Variants in TDRD5 observed in about 807,000 individuals in gnomAD.
TDRD5 encodes tudor domain-containing protein 5.
In TDRD5, 41 loss-of-function variants were observed where a neutral mutation model predicts 120.6. The ratio of observed to expected loss-of-function variants is 0.34; its 90% CI spans 0.26 to 0.44. TDRD5 has a LOEUF of 0.44. TDRD5 is among the 20% of genes least tolerant of loss of function. TDRD5 has a pLI of 1.00. For synonymous variants in TDRD5, 430 were observed against 433.7 expected (o/e 0.99, Z 0.11); for missense variants, 1,006 against 1,221.2 (o/e 0.82, Z 2.63).
At chr1:179,617,215 T>C (rs1324416908) in intron 4 of TDRD5, among the ~76,000 whole-genome samples, 1 of 152,096 alleles carries the variant, frequency 6.6e-6, no homozygotes, top group African/African-American at 2.4e-5. Context: ...TAGGGAGCCA[T>C]GTACTTGCCA....
At chr1:179,634,839 A>G (rs1012577495) in intron 8 of TDRD5, among the ~76,000 whole-genome samples, 1 of 152,156 alleles carries the variant, frequency 6.6e-6, no homozygotes, top group Non-Finnish European at 1.5e-5. Context: ...CTCAAGGCTC[A>G]TTTTAAAGTT....
intron 14 of TDRD5, among the ~76,000 whole-genome samples, chr1:179,658,370 C>G (rs1237058637): frequency 6.6e-6 from 1 of 152,016 alleles, no homozygotes; most frequent in Admixed American, 6.5e-5. Context: ...TTGATATTAC[C>G]TTATAAAACT....
chr1:179,614,606 G>A lies in TDRD5; in HGVS notation c.832-3993G>A, dbSNP rs186823264. Among the ~76,000 whole-genome samples, 454 of 152,204 alleles carry A rather than the reference G, an allele frequency of 3.0e-3. 4 individuals are homozygous for A. Among genetic ancestry groups the A allele is most frequent in the Admixed American group, 6.1e-3 (93 of 15,284 alleles). On this transcript the variant is annotated intron_variant, in intron 4 of 17. Coordinates refer to ENST00000444136, the MANE Select transcript of TDRD5 (RefSeq NM_001199085.3). ...AATTGTTTCAGTTGACACTCACATA[G>A]ATTGTGTGTGTGCTCCTTTCCTTGT...
chr1:179,631,107 T>C (rs1262290871), intron 7 of TDRD5, among the ~76,000 whole-genome samples, 187 bp downstream of exon 7: 4 of 152,020 alleles, frequency 2.6e-5, no homozygotes, highest in East Asian at 3.9e-4. Context: ...TTTTGCTTTC[T>C]TGGGCCGGGT....
chr1:179,612,651 C>G (rs1461169078), intron 4 of TDRD5, among the ~76,000 whole-genome samples: 1 of 152,102 alleles, frequency 6.6e-6, no homozygotes, highest in Non-Finnish European at 1.5e-5. Flanking sequence ...AGTACATCAT[C>G]CTGCCAGGTG....
At chr1:179,648,648 T>A (rs1364549849) in intron 11 of TDRD5, among the ~76,000 whole-genome samples, 7 of 149,372 alleles carry the variant, frequency 4.7e-5, no homozygotes, top group South Asian at 2.1e-4. Flanking sequence ...CAAAAAAAAA[T>A]TTTAAACTTA....
chr1:179,672,839 T>G (rs1358824140), intron 17 of TDRD5, among the ~76,000 whole-genome samples: 3 of 152,314 alleles, frequency 2.0e-5, no homozygotes, highest in African/African-American at 7.2e-5. Context: ...CTAGCACCAT[T>G]TGTTGAATAG....
At chr1:179,667,945 T>G in intron 16 of TDRD5, among the ~76,000 whole-genome samples, 1 of 152,222 alleles carries the variant, frequency 6.6e-6, no homozygotes, top group East Asian at 1.9e-4. Flanking sequence ...AAAACAAGCC[T>G]ACATCTGTTT....
intron 9 of TDRD5, among the ~76,000 whole-genome samples, chr1:179,637,001 A>C (rs375838992): frequency 6.6e-6 from 1 of 152,228 alleles, no homozygotes; most frequent in Admixed American, 6.5e-5. Flanking sequence ...AACTTATATT[A>C]TCTCTTTTCT....
At chr1:179,667,305 T>A (rs1679609305) in intron 16 of TDRD5, among the ~76,000 whole-genome samples, 1 of 152,266 alleles carries the variant, frequency 6.6e-6, no homozygotes, top group South Asian at 2.1e-4. Context: ...TTTAAATATG[T>A]GTCAACAGTG....
chr1:179,595,681 T>A lies in TDRD5; in HGVS notation c.694T>A (p.Phe232Ile), dbSNP rs1434596426. Reference sequence around the variant, plus strand: ...GAAACAAGGGTCATACTCCACAGGCTTTCCGGTAGCAAAGCCATGCTTTTC... The same window carrying A: ...GAAACAAGGGTCATACTCCACAGGCATTCCGGTAGCAAAGCCATGCTTTTC... ...RMKQGSYSTG[F>I]PVAKPCFSQP... Residue 232 changes from phenylalanine (F) to isoleucine (I), a missense_variant, in exon 4 of 18, where the codon TTT becomes ATT. Transcript: ENST00000444136. 12 of 1,613,534 alleles carry A rather than the reference T, an allele frequency of 7.4e-6. No individual in the cohort carries two copies. The highest frequency in any genetic ancestry group is 1.0e-5 in the Non-Finnish European group (12 of 1,179,796).
chr1:179,639,132 A>G (rs1028354463), intron 9 of TDRD5, among the ~76,000 whole-genome samples: 11 of 152,380 alleles, frequency 7.2e-5, no homozygotes, highest in African/African-American at 2.6e-4. Flanking sequence ...GAGACAGTAT[A>G]TAGCAAGAAC....
intron 17 of TDRD5, among the ~76,000 whole-genome samples, chr1:179,677,538 G>A (rs141269728): frequency 0.019 from 2,954 of 152,214 alleles, 75 homozygotes; most frequent in African/African-American, 0.066. Flanking sequence ...TTTGTCCCAC[G>A]GGATGCTCCC....
At chr1:179,684,354 A>G (rs1258848773) in intron 17 of TDRD5, among the ~76,000 whole-genome samples, 1 of 152,170 alleles carries the variant, frequency 6.6e-6, no homozygotes, top group South Asian at 2.1e-4. Context: ...AGCTTCATCC[A>G]TGTCCCTACA....
At position 179,632,380 on chromosome 1, in the gene TDRD5, T is replaced by C. The variant is rs148364523; in HGVS notation, c.1126+1460T>C. Among the ~76,000 whole-genome samples the C allele has an allele frequency of 7.2e-3, 1,091 of 151,794 alleles. 2 individuals are homozygous for C. Among genetic ancestry groups the C allele is most frequent in the Middle Eastern group, 0.014 (4 of 294 alleles). On this transcript the variant is annotated intron_variant, in intron 7 of 17. Transcript: ENST00000444136. ...TATTTTTATAAGCTTGAATGAGTGG[T>C]TATGATGGACAGGTTTTGTTTTTTT...
At chr1:179,659,251 A>G (rs1165057555) in intron 14 of TDRD5, among the ~76,000 whole-genome samples, 4 of 152,202 alleles carry the variant, frequency 2.6e-5, no homozygotes, top group African/African-American at 4.8e-5. Context: ...GTCAGATCCA[A>G]TTGATTAGTG....
intron 6 of TDRD5, among the ~76,000 whole-genome samples, chr1:179,627,032 C>G (rs1677166907): frequency 6.6e-6 from 1 of 152,074 alleles, no homozygotes; most frequent in African/African-American, 2.4e-5. Flanking sequence ...AGAAAAACAG[C>G]AAGTGACTTA....
intron 9 of TDRD5, among the ~76,000 whole-genome samples, chr1:179,639,621 A>G (rs898155110): frequency 1.3e-5 from 2 of 152,216 alleles, no homozygotes; most frequent in Non-Finnish European, 2.9e-5. Context: ...GAGATCAGAA[A>G]ATGAGTGTGT....
In TDRD5 at chr1:179,660,435, T is replaced by C. The variant is rs1265567748; in HGVS notation, c.2323-1669T>C. Among the ~76,000 whole-genome samples the C allele has an allele frequency of 2.0e-5, 3 of 152,090 alleles. No individual in the cohort carries two copies. In the East Asian group the frequency reaches 5.8e-4, roughly 30 times the overall value. The stretch of plus-strand genomic sequence containing the variant: ...CGGGGTTTCACCGTGTTATCCAGGA[T>C]GGTCTCAATCTCCTGACCTCATGAT... On this transcript the variant is annotated intron_variant, in intron 14 of 17. Coordinates refer to ENST00000444136, the MANE Select transcript of TDRD5 (RefSeq NM_001199085.3).
Sources: allele counts gnomAD v4.1 joint callset (sites outside exome capture counted in the v4.1 genomes callset), GRCh38; gene constraint gnomAD v4.1.1; transcripts MANE v1.5; gene names NCBI Gene and HGNC (gene_info 2026-07-23, HGNC 2026-07-21).